MAL: variants seen among roughly 807,000 people sequenced by gnomAD.
MAL encodes mal, T cell differentiation protein (MAL blood group).
Under a neutral mutation model 16.7 loss-of-function variants are expected in MAL, and 5 were observed. That is an observed-to-expected ratio of 0.30 (90% CI 0.16 to 0.63). MAL has a LOEUF of 0.63. Ranked by LOEUF, MAL falls within the 30% of genes least tolerant of loss-of-function variation. The pLI is 0.82. For synonymous variants in MAL, 96 were observed against 85.5 expected, an observed-to-expected ratio of 1.12 and a Z score of -0.67; for missense variants, 202 against 195.8, an observed-to-expected ratio of 1.03 and a Z score of -0.19.
intron 1 of MAL, among the ~76,000 whole-genome samples, chr2:95,045,390 A>C (rs1674563111): frequency 6.6e-6 from 1 of 152,182 alleles, no homozygotes; most frequent in South Asian, 2.1e-4. Flanking sequence ...CCCAGGTACC[A>C]GGAGACCAAG....
chr2:95,028,046 C>T (rs1207897869), intron 1 of MAL, among the ~76,000 whole-genome samples: 1 of 151,818 alleles, frequency 6.6e-6, no homozygotes, highest in Non-Finnish European at 1.5e-5. Context: ...GTGACTCACG[C>T]CTGTAATCCC....
chr2:95,031,854 CAG>C (rs1046121807), intron 1 of MAL, among the ~76,000 whole-genome samples: 2 of 152,226 alleles, frequency 1.3e-5, no homozygotes, highest in East Asian at 3.9e-4. Flanking sequence ...GTGTTCTAGA[CAG>C]AGATTTCACA....
intron 1 of MAL, among the ~76,000 whole-genome samples, chr2:95,032,984 G>A (rs537035830): frequency 4.9e-4 from 74 of 152,340 alleles, no homozygotes; most frequent in African/African-American, 1.3e-3. Context: ...CAGCACCTCC[G>A]CAGCGGGAAG....
At chr2:95,051,510 A>G (rs1487359056) in intron 3 of MAL, 1 of 152,248 alleles carries the variant, frequency 6.6e-6, no homozygotes, top group Non-Finnish European at 1.5e-5. Context: ...TATAAGTGGA[A>G]TTATACAGTG....
chr2:95,033,822 C>G, intron 1 of MAL, among the ~76,000 whole-genome samples: 1 of 152,074 alleles, frequency 6.6e-6, no homozygotes, highest in East Asian at 1.9e-4. Flanking sequence ...ACCCTAGACA[C>G]AAGAGGTAAC....
intron 1 of MAL, chr2:95,044,319 AC>A (rs1322711885): frequency 2.0e-5 from 3 of 152,216 alleles, no homozygotes; most frequent in Admixed American, 6.5e-5. Context: ...TCCAAGATTG[AC>A]TGTGGTGATG....
intron 1 of MAL, among the ~76,000 whole-genome samples, chr2:95,043,162 G>A (rs777060031): frequency 6.6e-6 from 1 of 152,198 alleles, no homozygotes; most frequent in Non-Finnish European, 1.5e-5. Flanking sequence ...CCAGTCCTTT[G>A]GCCTGGTTAA....
At chr2:95,039,857 C>T (rs1251866346) in intron 1 of MAL, among the ~76,000 whole-genome samples, 1 of 152,078 alleles carries the variant, frequency 6.6e-6, no homozygotes, top group Non-Finnish European at 1.5e-5. Context: ...AGAAGCCAAA[C>T]GGTGTTACTC....
At chr2:95,031,567 G>T (rs527271444) in intron 1 of MAL, among the ~76,000 whole-genome samples, 13 of 152,362 alleles carry the variant, frequency 8.5e-5, no homozygotes, top group African/African-American at 2.9e-4. Flanking sequence ...GGGAGAGGCT[G>T]GGGCAAGCAG....
chr2:95,041,257 C>A (rs1412871396), intron 1 of MAL, among the ~76,000 whole-genome samples: 1 of 152,192 alleles, frequency 6.6e-6, no homozygotes, highest in Non-Finnish European at 1.5e-5. Context: ...GATGACCAGG[C>A]CCGTTGTTGG....
chr2:95,050,134 T>C (rs1433952090), intron 3 of MAL, among the ~76,000 whole-genome samples: 1 of 152,176 alleles, frequency 6.6e-6, no homozygotes, highest in African/African-American at 2.4e-5. Flanking sequence ...GCATCAACGC[T>C]GGAGGCCCAG....
chr2:95,043,119 C>T (rs1674508146), intron 1 of MAL, among the ~76,000 whole-genome samples: 1 of 152,234 alleles, frequency 6.6e-6, no homozygotes, highest in Admixed American at 6.5e-5. Flanking sequence ...CTGAGCTTGG[C>T]ATGTGCCCTT....
chr2:95,026,258 A>G (rs1673934950), intron 1 of MAL: 1 of 194,600 alleles, frequency 5.1e-6, no homozygotes, highest in East Asian at 1.2e-4. Context: ...GCGGTTGGGT[A>G]GAAGTGCGCA....
intron 2 of MAL, 151 bp from the exon 3 acceptor site, chr2:95,049,430 C>A: frequency 1.0e-6 from 1 of 974,050 alleles, no homozygotes; most frequent in Non-Finnish European, 1.5e-6. Flanking sequence ...CACAGCAGGG[C>A]AGGCATGGGA....
rs1324193575 is a variant in MAL, at chr2:95,053,809, C to G, written c.*354C>G. The stretch of plus-strand genomic sequence containing the variant: ...CTCTGCTGACCCCTGGAGCAGCTCT[C>G]GAGAACTACCTGTTGGTATTGTCCA... On this transcript the variant is annotated 3_prime_UTR_variant, in exon 4 of 4. Transcript: ENST00000309988. 3.9e-6 allele frequency: 1 copy of G among 256,492 alleles called. No homozygotes were observed. The highest frequency in any genetic ancestry group is 7.6e-6 in the Non-Finnish European group (1 of 131,414). 15.9% of individuals were successfully genotyped at this position (256,492 alleles called of 1,614,324 possible). A position where few individuals can be genotyped will look rare whatever the true frequency, so the allele number is the denominator to read the frequency against.
chr2:95,046,173 C>T (rs1405433063), intron 1 of MAL, among the ~76,000 whole-genome samples: 1 of 152,182 alleles, frequency 6.6e-6, no homozygotes, highest in African/African-American at 2.4e-5. Flanking sequence ...TATCTCTCAC[C>T]CAGCAGGTGG....
rs1210110814 is a variant in MAL at position 95,053,593 on chromosome 2, A to C, written c.*138A>C. 1 of 679,116 alleles carries C rather than the reference A, an allele frequency of 1.5e-6. No individual in the cohort carries two copies. The highest frequency in any genetic ancestry group is 2.5e-6 in the Non-Finnish European group (1 of 398,692). 42.1% of individuals were successfully genotyped at this position (679,116 alleles called of 1,614,324 possible). A position where few individuals can be genotyped will look rare whatever the true frequency, so the allele number is the denominator to read the frequency against. ...ACCACCCCCCCACTGCCCAAAAAAA[A>C]AAGCCCTGCCCTGTTGCTCGTGGGT... On this transcript the variant is annotated 3_prime_UTR_variant, in exon 4 of 4. Transcript: ENST00000309988.
chr2:95,049,907 G>A (rs867115097), intron 3 of MAL, among the ~76,000 whole-genome samples: 3 of 152,026 alleles, frequency 2.0e-5, no homozygotes, highest in Non-Finnish European at 2.9e-5. Flanking sequence ...TTAGTCGTCC[G>A]GCCAGGGCTG....
chr2:95,053,445 A>G lies in MAL; in HGVS notation c.452A>G (p.Lys151Arg), dbSNP rs1324144750. ...VHAVFSLIRW[K>R]SS Reference sequence around the variant, plus strand: ...GCGGTGTTCTCTTTAATCAGATGGAAGTCTTCATAAAGCCGCAGTAGAACT... The same window carrying G: ...GCGGTGTTCTCTTTAATCAGATGGAGGTCTTCATAAAGCCGCAGTAGAACT... Residue 151 changes from lysine to arginine, a missense_variant, in exon 4 of 4, where the codon AAG (lysine) becomes AGG (arginine). Physicochemically the swap from Lys to Arg is conservative, Grantham distance 26. Coordinates refer to ENST00000309988, the MANE Select transcript of MAL (RefSeq NM_002371.4). 2 of 1,612,954 alleles carry G rather than the reference A, an allele frequency of 1.2e-6. No individual in the cohort carries two copies. Among genetic ancestry groups the G allele is most frequent in the African/African-American group, 1.3e-5 (1 of 75,014 alleles).
Sources: allele counts gnomAD v4.1 joint callset (sites outside exome capture counted in the v4.1 genomes callset), GRCh38; gene constraint gnomAD v4.1.1; transcripts MANE v1.5; gene names NCBI Gene and HGNC (gene_info 2026-07-23, HGNC 2026-07-21).